LCTL: variants seen among roughly 807,000 people sequenced by gnomAD.
LCTL encodes lactase-like protein.
In LCTL, 76 loss-of-function variants were observed where a neutral mutation model predicts 75.8. That is an observed-to-expected ratio of 1.00 (90% CI 0.83 to 1.21). LCTL has a LOEUF of 1.21. LCTL is among the 50% of genes most tolerant of loss of function. The pLI is 0.00. For missense variants in LCTL, 670 were observed against 712.4 expected (o/e 0.94, Z 0.68); for synonymous variants, 271 against 268.8 (o/e 1.01, Z -0.08).
chr15:66,559,853 G>A (rs376944283), intron 6 of LCTL, among the ~76,000 whole-genome samples: 5 of 152,186 alleles, frequency 3.3e-5, no homozygotes, highest in Admixed American at 2.0e-4. Flanking sequence ...TTGGGATGCC[G>A]AGGTAAGGGA....
rs576407077 is a variant in LCTL, at chr15:66,551,135, T to C, written c.1524+527A>G. On this transcript the variant is annotated intron_variant, in intron 11 of 12. Coordinates refer to ENST00000341509, the Ensembl canonical transcript of LCTL. The stretch of plus-strand genomic sequence containing the variant: ...AGGCTGAGGTGGGCAGATCACGAGG[T>C]CAAGAGTTAGAGACCATTCTGGGCA... 2.0e-5 allele frequency among the ~76,000 whole-genome samples: 3 copies of C among 151,438 alleles called. No homozygotes were observed. In the East Asian group the frequency reaches 5.9e-4, roughly 30 times the overall value.
intron 8 of LCTL, among the ~76,000 whole-genome samples, chr15:66,554,569 T>A (rs1275232523): frequency 6.6e-6 from 1 of 152,264 alleles, no homozygotes; most frequent in Non-Finnish European, 1.5e-5. Context: ...TGTAAAAGCA[T>A]ATGTCCTTTC....
At chr15:66,551,345 C>CAA (rs67322943) in intron 11 of LCTL, among the ~76,000 whole-genome samples, 881 of 50,096 alleles carry the variant, frequency 0.018, 47 homozygotes, top group African/African-American at 0.021. Context: ...GATTCTGTCT[C>CAA]AAAAAAAAAA....
chr15:66,561,832 A>T (rs1895896427), intron 4 of LCTL, among the ~76,000 whole-genome samples: 1 of 152,136 alleles, frequency 6.6e-6, no homozygotes, highest in Admixed American at 6.6e-5. Flanking sequence ...CCTCCTGCCC[A>T]GTTAGAGGAC....
At chr15:66,554,743 CA>C (rs1330397998) in intron 8 of LCTL, among the ~76,000 whole-genome samples, 2 of 152,112 alleles carry the variant, frequency 1.3e-5, no homozygotes, top group Non-Finnish European at 2.9e-5. Context: ...CAACACTATG[CA>C]GCCTTTAGAA....
chr15:66,548,389 T>C, exon 13 of LCTL: 1 of 529,576 alleles, frequency 1.9e-6, no homozygotes, highest in Admixed American at 2.8e-5. Context: ...AGGTAATTAT[T>C]GTAGAACCTG....
intron 4 of LCTL, among the ~76,000 whole-genome samples, chr15:66,562,739 A>G (rs908235844): frequency 1.3e-5 from 2 of 151,904 alleles, no homozygotes; most frequent in Non-Finnish European, 2.9e-5. Flanking sequence ...GCCTGCCACC[A>G]CGTCTGGCTA....
At chr15:66,548,530 G>A (rs1316407806) in exon 13 of LCTL, 1 of 1,613,150 alleles carries the variant, frequency 6.2e-7, no homozygotes, top group Non-Finnish European at 8.5e-7. Context: ...TAGAACAGCA[G>A]TGATGAGGAC....
chr15:66,558,685 GTGTT>G (rs1404458541), intron 6 of LCTL, among the ~76,000 whole-genome samples: 14,019 of 103,372 alleles, frequency 0.14, 411 homozygotes, highest in Non-Finnish European at 0.17. Flanking sequence ...GTGTGTGTGT[GTGTT>G]TTTTTTTTTT....
chr15:66,560,788 C>G (rs1323992618), intron 6 of LCTL, among the ~76,000 whole-genome samples: 1 of 152,188 alleles, frequency 6.6e-6, no homozygotes, highest in Non-Finnish European at 1.5e-5. Flanking sequence ...CTTGGCTAGG[C>G]TGTAAGCTCT....
At chr15:66,556,813 A>G (rs1046515196) in intron 8 of LCTL, among the ~76,000 whole-genome samples, 4 of 152,166 alleles carry the variant, frequency 2.6e-5, no homozygotes, top group African/African-American at 7.2e-5. Flanking sequence ...GTTTTGCAAG[A>G]TGAAGCGTTC....
intron 12 of LCTL, 28 bp from the exon 14 acceptor site, chr15:66,548,633 CA>C (rs1331939187): frequency 2.7e-6 from 3 of 1,120,992 alleles, no homozygotes; most frequent in South Asian, 2.5e-5. Flanking sequence ...ACGAGCACCA[CA>C]AATGAGAACA....
rs113055189 is a variant in LCTL at position 66,563,599 on chromosome 15, C to T, written c.397G>A (p.Glu133Lys). ...GCATCGATAAGATCACTGTAGAATT[C>T]GATTCCCTTCTTGTTCACCTGCTCG... The change falls in exon 4 of 13, where the codon GAA (glutamate) becomes AAA (lysine). Residue 133 changes from glutamate to lysine, a missense_variant. By Grantham distance (56) the Glu-to-Lys change is moderately conservative. Coordinates refer to ENST00000341509, the Ensembl canonical transcript of LCTL. 1.2e-5 allele frequency: 20 copies of T among 1,611,542 alleles called. No homozygotes were observed. Among genetic ancestry groups the T allele is most frequent in the African/African-American group, 1.1e-4 (8 of 74,980 alleles).
Position 66,564,855 on chromosome 15 carries a change from C to T in LCTL, c.119-16G>A, listed in dbSNP as rs1316193008. 5.6e-6 allele frequency: 9 copies of T among 1,605,654 alleles called. No individual in the cohort carries two copies. The highest frequency in any genetic ancestry group is 1.6e-4 in the Middle Eastern group (1 of 6,062). On this transcript the variant is annotated splice_polypyrimidine_tract_variant and intron_variant, in intron 1 of 12. Transcript: ENST00000341509. Reference sequence around the variant, plus strand: ...CAGGAGAAGCCTGCAGGGGGAGACCCGTGCTGGGTCCCAGGTGCTCCCATG... The same window carrying T: ...CAGGAGAAGCCTGCAGGGGGAGACCTGTGCTGGGTCCCAGGTGCTCCCATG...
intron 6 of LCTL, among the ~76,000 whole-genome samples, chr15:66,558,985 T>A (rs555984310): frequency 1.3e-5 from 2 of 152,116 alleles, no homozygotes; most frequent in South Asian, 4.2e-4. Context: ...CATGAGCCAC[T>A]GTGCCTGGCC....
intron 4 of LCTL, 127 bp from the exon 6 acceptor site, chr15:66,561,442 C>G: frequency 9.7e-7 from 1 of 1,034,072 alleles, no homozygotes; most frequent in Non-Finnish European, 1.4e-6. Context: ...GACTCTCATG[C>G]CTAGAAAGAA....
exon 8 of LCTL, chr15:66,557,735 C>T: frequency 5.0e-6 from 8 of 1,614,026 alleles, no homozygotes; most frequent in Non-Finnish European, 6.8e-6. Context: ...TGTAGTCCTT[C>T]ATGACTTGGG....
chr15:66,548,888 A>T (rs1264676831), intron 12 of LCTL: 1 of 183,676 alleles, frequency 5.4e-6, no homozygotes, highest in African/African-American at 2.3e-5. Context: ...ATACTTTCTA[A>T]ATTCATCTCA....
intron 12 of LCTL, chr15:66,549,174 G>A (rs1010669716): frequency 6.6e-6 from 1 of 152,142 alleles, no homozygotes; most frequent in Non-Finnish European, 1.5e-5. Flanking sequence ...GGGTACTCTG[G>A]TTACTGAGAT....
Sources: gnomAD v4.1 joint callset for allele counts (sites outside exome capture counted in the v4.1 genomes callset) on GRCh38, gnomAD v4.1.1 for gene constraint, MANE v1.5 for transcripts, NCBI Gene and HGNC (gene_info 2026-07-23, HGNC 2026-07-21) for gene names.